Variants in NDC1 observed in about 807,000 individuals in gnomAD.
NDC1 encodes the protein nucleoporin NDC1.
Under a neutral mutation model 89.8 loss-of-function variants are expected in NDC1, and 24 were observed. The observed-to-expected ratio is 0.27, with a 90% confidence interval of 0.19 to 0.38. NDC1 has a LOEUF of 0.38. Among genes scored for constraint, NDC1 ranks in the 10% least tolerant of loss-of-function variants. The pLI, the probability that NDC1 is intolerant of heterozygous loss-of-function variation, is 1.00. For synonymous variants in NDC1, 296 were observed against 284.8 expected (o/e 1.04, Z -0.39); for missense variants, 728 against 797.6 (o/e 0.91, Z 1.05).
At chr1:53,816,801 C>G (rs933204967) in intron 6 of NDC1, among the ~76,000 whole-genome samples, 1 of 152,008 alleles carries the variant, frequency 6.6e-6, no homozygotes, top group Non-Finnish European at 1.5e-5. Flanking sequence ...AAAAAGTGGG[C>G]TAAGGACATG....
chr1:53,772,833 TAC>T (rs1475652733), intron 16 of NDC1, among the ~76,000 whole-genome samples: 1 of 152,002 alleles, frequency 6.6e-6, no homozygotes, highest in Non-Finnish European at 1.5e-5. Flanking sequence ...AATGGATATA[TAC>T]AGAGAGATAT....
chr1:53,790,998 A>G (rs752432673), intron 14 of NDC1, among the ~76,000 whole-genome samples: 3 of 152,020 alleles, frequency 2.0e-5, no homozygotes, highest in Non-Finnish European at 4.4e-5. Flanking sequence ...TTCTAACTGT[A>G]TATTTGTACC....
At chr1:53,781,657 C>A (rs1445722126) in intron 16 of NDC1, among the ~76,000 whole-genome samples, 1 of 152,156 alleles carries the variant, frequency 6.6e-6, no homozygotes, top group East Asian at 1.9e-4. Flanking sequence ...CTTAGTAACA[C>A]CCAGAAGCCA....
Position 53,766,784 on chromosome 1 carries a change from G to C in NDC1, c.*1186C>G, listed in dbSNP as rs1647068942. The stretch of plus-strand genomic sequence containing the variant: ...ATATTTTGGGACACTAGAAGGAAAA[G>C]ACAATAGGAAAAGAATTACAAAGGA... On this transcript the variant is annotated 3_prime_UTR_variant, in exon 18 of 18. Coordinates refer to ENST00000371429, the MANE Select transcript of NDC1 (RefSeq NM_018087.5). 6.6e-6 allele frequency: 1 copy of C among 152,170 alleles called. No individual in the cohort carries two copies. The highest frequency in any genetic ancestry group is 2.4e-5 in the African/African-American group (1 of 41,440). The allele number at this position is 152,170 out of a possible 1,614,324, so 9.4% of individuals were successfully genotyped here.
At chr1:53,800,185 G>A (rs938476709) in intron 11 of NDC1, among the ~76,000 whole-genome samples, 8 of 151,938 alleles carry the variant, frequency 5.3e-5, no homozygotes, top group Non-Finnish European at 1.2e-4. Flanking sequence ...AGTGTACAAC[G>A]TGATGTTTTG....
chr1:53,823,814 C>T (rs1648750240), intron 5 of NDC1, among the ~76,000 whole-genome samples: 1 of 152,088 alleles, frequency 6.6e-6, no homozygotes, highest in South Asian at 2.1e-4. Context: ...TTTTTTCATA[C>T]ACTCAGATTG....
intron 11 of NDC1, among the ~76,000 whole-genome samples, chr1:53,797,632 T>C (rs546828824): frequency 6.6e-6 from 1 of 152,276 alleles, no homozygotes; most frequent in East Asian, 1.9e-4. Flanking sequence ...TCTTTTTCTT[T>C]CCTTTTCTTT....
intron 14 of NDC1, among the ~76,000 whole-genome samples, chr1:53,790,809 C>T (rs1433603435): frequency 1.3e-5 from 2 of 152,156 alleles, no homozygotes; most frequent in African/African-American, 2.4e-5. Flanking sequence ...AACCGCCTAA[C>T]CTTCACGTAA....
At chr1:53,829,335 A>G (rs1648977337) in intron 3 of NDC1, among the ~76,000 whole-genome samples, 1 of 152,224 alleles carries the variant, frequency 6.6e-6, no homozygotes, top group Non-Finnish European at 1.5e-5. Context: ...CAACTAACTT[A>G]TAACACTCTA....
At position 53,784,929 on chromosome 1, in the gene NDC1, G is replaced by C. The variant is rs888350213; in HGVS notation, c.1800+2229C>G. Among the ~76,000 whole-genome samples, 9 of 151,824 alleles carry C rather than the reference G, an allele frequency of 5.9e-5. 1 individual carries two copies. The highest frequency in any genetic ancestry group is 1.9e-4 in the African/African-American group (8 of 41,438). Reference sequence around the variant, plus strand: ...GCTGAGATCACGCCACTGCACTCCAGCCTGGGCAACAGAGCAGAGACTCAA... The same window carrying C: ...GCTGAGATCACGCCACTGCACTCCACCCTGGGCAACAGAGCAGAGACTCAA... On this transcript the variant is annotated intron_variant, in intron 16 of 17. Transcript: ENST00000371429.
At position 53,833,829 on chromosome 1, in the gene NDC1, A is replaced by AT. The variant is rs71579984; in HGVS notation, c.179-1239dup. ...TTAAAAGTACAATTCATTGACCTAA[A>AT]TTTTTTTTTTTTTTGAGATGGAGTC... On this transcript the variant is annotated intron_variant, in intron 2 of 17. Coordinates refer to ENST00000371429, the MANE Select transcript of NDC1 (RefSeq NM_018087.5). 1.1e-3 allele frequency among the ~76,000 whole-genome samples: 154 copies of AT among 146,178 alleles called. No homozygotes were observed. The Middle Eastern group carries it at 0.014, about 13-fold the overall frequency.
intron 1 of NDC1, among the ~76,000 whole-genome samples, chr1:53,837,843 C>A (rs1428178395): frequency 2.0e-5 from 3 of 152,206 alleles, no homozygotes; most frequent in Non-Finnish European, 4.4e-5. Flanking sequence ...ACATTTCTTT[C>A]CAATTCCGTG....
chr1:53,779,119 CAAAAAAAAAA>C (rs11412563), intron 16 of NDC1, among the ~76,000 whole-genome samples: 2 of 55,524 alleles, frequency 3.6e-5, no homozygotes, highest in African/African-American at 7.1e-5. Flanking sequence ...GACTCTGTCG[CAAAAAAAAAA>C]AAAAAAAAAA....
chr1:53,835,692 TCATACAGGATGTTAAC>T (rs1649207667), intron 1 of NDC1, 72 bp from the exon 2 acceptor site: 3 of 1,344,116 alleles, frequency 2.2e-6, no homozygotes, highest in African/African-American at 2.9e-5. Context: ...TCCTATCTTT[TCATACAGGATGTTAAC>T]CACTAACTCA....
chr1:53,837,103 A>C (rs1649258782), intron 1 of NDC1, among the ~76,000 whole-genome samples: 1 of 152,226 alleles, frequency 6.6e-6, no homozygotes, highest in Non-Finnish European at 1.5e-5. Flanking sequence ...ACAGTGGATT[A>C]TTCAGCCACA....
At chr1:53,797,618 CTTTTCT>C (rs1486116024) in intron 11 of NDC1, among the ~76,000 whole-genome samples, 2 of 151,816 alleles carry the variant, frequency 1.3e-5, no homozygotes, top group Non-Finnish European at 2.9e-5. Context: ...TTTTCCTTTC[CTTTTCT>C]TTTTCTTTCC....
At chr1:53,782,748 A>G (rs1647223722) in intron 16 of NDC1, among the ~76,000 whole-genome samples, 1 of 152,258 alleles carries the variant, frequency 6.6e-6, no homozygotes, top group South Asian at 2.1e-4. Context: ...AACAAATCAT[A>G]GTAGCATTAG....
At chr1:53,815,780 A>C (rs1648455805) in intron 6 of NDC1, among the ~76,000 whole-genome samples, 1 of 152,230 alleles carries the variant, frequency 6.6e-6, no homozygotes, top group Non-Finnish European at 1.5e-5. Context: ...TAATGCACAC[A>C]AATCAGTAGC....
At chr1:53,812,460 C>A (rs914862497) in intron 6 of NDC1, among the ~76,000 whole-genome samples, 1 of 151,954 alleles carries the variant, frequency 6.6e-6, no homozygotes, top group Admixed American at 6.6e-5. Context: ...TTTAGAAATG[C>A]GAAATGCTCT....
Sources: allele counts gnomAD v4.1 joint callset (sites outside exome capture counted in the v4.1 genomes callset), GRCh38; gene constraint gnomAD v4.1.1; transcripts MANE v1.5; gene names NCBI Gene and HGNC (gene_info 2026-07-23, HGNC 2026-07-21).